Variants in MRAS observed in about 807,000 individuals in gnomAD.
MRAS encodes ras-related protein M-Ras.
MRAS carries 4 observed loss-of-function variants against 20.9 expected under a neutral mutation model. The observed-to-expected ratio is 0.19, with a 90% CI of 0.09 to 0.44. The LOEUF is 0.44. Among genes scored for constraint, MRAS ranks in the 20% least tolerant of loss-of-function variants. The probability of loss-of-function intolerance (pLI) is 0.99; values close to 1 mark genes in which losing one functional copy is unlikely to be tolerated. For synonymous variants in MRAS, 98 were observed against 102.9 expected, an observed-to-expected ratio of 0.95 and a Z score of 0.29; for missense variants, 154 against 277.5, an observed-to-expected ratio of 0.56 and a Z score of 3.16.
rs563824568 is a variant in MRAS, at chr3:138,378,198, T to G, written c.193+5122T>G. On this transcript the variant is annotated intron_variant, in intron 2 of 5. Transcript: ENST00000423968. ...AGGTGCTCCGGTTGTGATCTCAGTCTCACGTCAGAGATTTGCAAGCTGCTT... is the reference window on the plus strand; with the variant it reads ...AGGTGCTCCGGTTGTGATCTCAGTCGCACGTCAGAGATTTGCAAGCTGCTT... Among the ~76,000 whole-genome samples, 3 of 152,354 alleles carry G rather than the reference T, an allele frequency of 2.0e-5. No individual in the cohort carries two copies. In the East Asian group the frequency reaches 5.8e-4, roughly 29 times the overall value.
At chr3:138,400,381 CCT>C (rs1471148447) in intron 4 of MRAS, 151 bp from the exon 5 acceptor site, 2 of 679,500 alleles carry the variant, frequency 2.9e-6, no homozygotes, top group African/African-American at 1.8e-5. Context: ...AGTGAAAAGC[CCT>C]AAATGATGCT....
At chr3:138,356,392 T>G (rs1362189099) in intron 1 of MRAS, among the ~76,000 whole-genome samples, 1 of 152,202 alleles carries the variant, frequency 6.6e-6, no homozygotes, top group African/African-American at 2.4e-5. Context: ...ATGTATTCAT[T>G]TCAAAAGCAA....
Position 138,399,839 on chromosome 3 carries a change from T to C in MRAS, c.448-695T>C, listed in dbSNP as rs114640103. Among the ~76,000 whole-genome samples, 1,350 of 152,294 alleles carry C rather than the reference T, an allele frequency of 8.9e-3. 15 individuals carry two copies. Among genetic ancestry groups the C allele is most frequent in the African/African-American group, 0.031 (1,304 of 41,566 alleles). On this transcript the variant is annotated intron_variant, in intron 4 of 5. Coordinates refer to ENST00000423968, the MANE Select transcript of MRAS (RefSeq NM_001085049.3). ...AGTGTGTCCTGACCTCATAGAGCCT[T>C]TGTTCTCCTCCCTTTGCCAGCCCGA...
intron 1 of MRAS, among the ~76,000 whole-genome samples, chr3:138,363,823 C>T (rs796457575): frequency 1.1e-5 from 1 of 95,020 alleles, no homozygotes; most frequent in Admixed American, 9.2e-5. Flanking sequence ...GGATTTACCC[C>T]CCCCCCCCCC....
chr3:138,361,334 A>G (rs911990732), intron 1 of MRAS, among the ~76,000 whole-genome samples: 8 of 152,164 alleles, frequency 5.3e-5, no homozygotes, highest in Non-Finnish European at 1.0e-4. Flanking sequence ...CATGGATGGC[A>G]TTCCAGGAGA....
chr3:138,400,499 G>A (rs749183340), intron 4 of MRAS, 35 bp from the exon 5 acceptor site: 1 of 1,567,398 alleles, frequency 6.4e-7, no homozygotes, highest in Non-Finnish European at 8.8e-7. Context: ...GAGGATCTCT[G>A]TGCCACTTTG....
chr3:138,355,881 A>G (rs752338246), intron 1 of MRAS, among the ~76,000 whole-genome samples: 3 of 152,206 alleles, frequency 2.0e-5, no homozygotes, highest in African/African-American at 4.8e-5. Flanking sequence ...CAGAGAGCTG[A>G]GATCGCGCCA....
At position 138,363,014 on chromosome 3, in the gene MRAS, A is replaced by G. The variant is rs1297220312; in HGVS notation, c.-18-9852A>G. Among the ~76,000 whole-genome samples, 4 of 151,454 alleles carry G rather than the reference A, an allele frequency of 2.6e-5. No homozygotes were observed. In the East Asian group the frequency reaches 5.8e-4, roughly 22 times the overall value. On this transcript the variant is annotated intron_variant, in intron 1 of 5. Coordinates refer to ENST00000423968, the MANE Select transcript of MRAS (RefSeq NM_001085049.3). ...GTCGCTTCTATTCTTTACCTGGGACATGCTTGTCCTTACTGTTTTTTGTTT... is the reference window on the plus strand; with the variant it reads ...GTCGCTTCTATTCTTTACCTGGGACGTGCTTGTCCTTACTGTTTTTTGTTT...
At chr3:138,385,930 G>A (rs1026864367) in intron 2 of MRAS, among the ~76,000 whole-genome samples, 5 of 152,218 alleles carry the variant, frequency 3.3e-5, no homozygotes, top group Admixed American at 6.5e-5. Context: ...TCCTCGAACA[G>A]GTGGCAGGGA....
At position 138,402,181 on chromosome 3, in the gene MRAS, C is replaced by T. The variant is rs773568029; in HGVS notation, c.539C>T (p.Pro180Leu). 5.0e-6 allele frequency: 8 copies of T among 1,614,004 alleles called. No individual in the cohort carries two copies. Among genetic ancestry groups the T allele is most frequent in the East Asian group, 4.5e-5 (2 of 44,890 alleles). ...DLVRVIRQQI[P>L]EKSQKKKKKT... ...CATTGTTTCAAAAGGCAACAGATTC[C>T]GGAAAAAAGCCAGAAGAAGAAGAAG... is the stretch of plus-strand genomic sequence containing the variant. The change falls in exon 6 of 6, where the codon CCG becomes CTG. Residue 180 changes from proline to leucine, a missense_variant. Physicochemically the swap from Pro to Leu is moderately conservative, Grantham distance 98. Around this residue, in one of 3 missense-constraint regions of MRAS, gnomAD observed 125 missense variants for 213.5 expected, o/e 0.59. Coordinates refer to ENST00000423968, the MANE Select transcript of MRAS (RefSeq NM_001085049.3).
intron 3 of MRAS, among the ~76,000 whole-genome samples, chr3:138,397,696 C>G (rs945812863): frequency 5.9e-5 from 9 of 152,126 alleles, no homozygotes; most frequent in African/African-American, 1.9e-4. Flanking sequence ...AATAAAAGCA[C>G]AAACTAATAG....
chr3:138,392,047 A>T (rs1436737780), intron 2 of MRAS, among the ~76,000 whole-genome samples: 1 of 152,184 alleles, frequency 6.6e-6, no homozygotes, highest in East Asian at 1.9e-4. Flanking sequence ...CTGAGGCAGG[A>T]GAATCGCTGG....
chr3:138,363,514 C>T (rs994398012), intron 1 of MRAS, among the ~76,000 whole-genome samples: 20 of 152,208 alleles, frequency 1.3e-4, no homozygotes, highest in African/African-American at 4.8e-4. Context: ...CCATAATCCT[C>T]TGCCTGCCTC....
intron 2 of MRAS, among the ~76,000 whole-genome samples, chr3:138,379,357 C>CT (rs35120152): frequency 0.062 from 4,765 of 76,878 alleles, 315 homozygotes; most frequent in East Asian, 0.23. Context: ...GACAGAATGT[C>CT]TTTTTTTTTT....
At chr3:138,368,934 A>G (rs1026065470) in intron 1 of MRAS, among the ~76,000 whole-genome samples, 2 of 152,066 alleles carry the variant, frequency 1.3e-5, no homozygotes, top group Non-Finnish European at 2.9e-5. Flanking sequence ...TCAAGATGAG[A>G]TAGCACCTTT....
At chr3:138,364,131 C>T (rs2054513216) in intron 1 of MRAS, among the ~76,000 whole-genome samples, 1 of 152,136 alleles carries the variant, frequency 6.6e-6, no homozygotes, top group Non-Finnish European at 1.5e-5. Flanking sequence ...GCCTGCTGCC[C>T]TCCAAGGCAT....
At chr3:138,362,617 A>G (rs573908489) in intron 1 of MRAS, among the ~76,000 whole-genome samples, 5 of 152,250 alleles carry the variant, frequency 3.3e-5, no homozygotes, top group African/African-American at 9.6e-5. Flanking sequence ...GCAGCCATCT[A>G]GCAAGCCTAC....
Position 138,404,645 on chromosome 3 carries a change from C to G in MRAS, c.*2376C>G, listed in dbSNP as rs2055423349. ...TTGAGCCTCTGGTAAGCTTTCATCTCCCATGAACTCATTTCCCCATAAATG... is the reference window on the plus strand; with the variant it reads ...TTGAGCCTCTGGTAAGCTTTCATCTGCCATGAACTCATTTCCCCATAAATG... On this transcript the variant is annotated 3_prime_UTR_variant, in exon 6 of 6. Transcript: ENST00000423968. The G allele has an allele frequency of 6.6e-6, 1 of 152,214 alleles. No homozygotes were observed. Among genetic ancestry groups the G allele is most frequent in the Non-Finnish European group, 1.5e-5 (1 of 68,050 alleles). 9.4% of individuals were successfully genotyped at this position (152,214 alleles called of 1,614,324 possible). A position where few individuals can be genotyped will look rare whatever the true frequency, so the allele number is the denominator to read the frequency against.
chr3:138,359,481 A>T (rs1380431688), intron 1 of MRAS, among the ~76,000 whole-genome samples: 1 of 152,222 alleles, frequency 6.6e-6, no homozygotes, highest in Admixed American at 6.5e-5. Flanking sequence ...CACCTCAAGG[A>T]AGAACCTAGA....
Sources: allele counts gnomAD v4.1 joint callset (sites outside exome capture counted in the v4.1 genomes callset), GRCh38; gene constraint gnomAD v4.1.1; regional missense constraint gnomAD v4.1.1; transcripts MANE v1.5; gene names NCBI Gene and HGNC (gene_info 2026-07-23, HGNC 2026-07-21).